Variants in HTR2C observed in about 807,000 individuals in gnomAD.
The protein encoded by HTR2C is 5-hydroxytryptamine receptor 2C, also known as 5-hydroxytryptamine (serotonin) receptor 2C, G protein-coupled.
HTR2C carries 5 observed loss-of-function variants against 21.0 expected under a neutral mutation model. The observed-to-expected ratio is 0.24, with a 90% CI of 0.12 to 0.50. HTR2C has a LOEUF of 0.50. Ranked by LOEUF, HTR2C falls within the 20% of genes least tolerant of loss-of-function variation. HTR2C has a pLI of 0.98. For missense variants in HTR2C, 271 were observed against 371.2 expected (o/e 0.73, Z 2.22); for synonymous variants, 150 against 145.3 (o/e 1.03, Z -0.23).
chrX:114,724,087 C>A (rs1453007577), intron 2 of HTR2C, among the ~76,000 whole-genome samples: 1 of 105,586 alleles, frequency 9.5e-6, no homozygotes, highest in African/African-American at 3.4e-5. Flanking sequence ...CTTTCTGTCT[C>A]GTTGATATGT....
At chrX:114,608,894 CA>C (rs1439045485) in intron 1 of HTR2C, among the ~76,000 whole-genome samples, 1 of 111,649 alleles carries the variant, frequency 9.0e-6, no homozygotes, top group Non-Finnish European at 1.9e-5. Flanking sequence ...GCATTTACCT[CA>C]AAAAAACTTT....
intron 2 of HTR2C, among the ~76,000 whole-genome samples, chrX:114,664,277 A>C (rs144737567): frequency 0.011 from 1,274 of 111,363 alleles, 16 homozygotes; most frequent in African/African-American, 0.04. Context: ...TTACATATGC[A>C]AATATGTGCT....
Position 114,621,042 on chromosome X carries a change from G to T in HTR2C, c.-80+7161G>T, listed in dbSNP as rs1310761259. ...ACTACAGGCGTGCGCCACCATGCCT[G>T]GCTAATTTTTGTATTTTTAGTAGAG... On this transcript the variant is annotated intron_variant, in intron 2 of 5. Transcript: ENST00000276198. Among the ~76,000 whole-genome samples the T allele has an allele frequency of 6.3e-5, 7 of 111,612 alleles. No individual in the cohort carries two copies. In the Admixed American group the frequency reaches 6.7e-4, roughly 11 times the overall value.
At chrX:114,702,594 C>A (rs782536442) in intron 2 of HTR2C, among the ~76,000 whole-genome samples, 1 of 111,383 alleles carries the variant, frequency 9.0e-6, no homozygotes, top group Non-Finnish European at 1.9e-5. Flanking sequence ...CGGTACCAGC[C>A]GCTGCAAAAT....
chrX:114,871,587 A>G (rs1045397310), intron 5 of HTR2C, among the ~76,000 whole-genome samples: 2 of 109,189 alleles, frequency 1.8e-5, no homozygotes, highest in African/African-American at 6.6e-5. Flanking sequence ...TGCCAGTAAC[A>G]ATAAAAGTAC....
chrX:114,718,621 G>T (rs1232871758), intron 2 of HTR2C, among the ~76,000 whole-genome samples: 2 of 111,226 alleles, frequency 1.8e-5, no homozygotes, highest in East Asian at 2.8e-4. Flanking sequence ...TGTAGTTACT[G>T]TTATTGATGT....
chrX:114,650,377 A>G (rs1556408293), intron 2 of HTR2C, among the ~76,000 whole-genome samples: 3 of 111,795 alleles, frequency 2.7e-5, no homozygotes, highest in African/African-American at 9.8e-5. Flanking sequence ...ATCATTGCAT[A>G]CAACATGTTA....
chrX:114,726,951 G>T lies in HTR2C; in HGVS notation c.15G>T (p.Arg5Ser). The T allele has an allele frequency of 1.8e-6, 2 of 1,125,714 alleles. No individual in the cohort carries two copies. The highest frequency in any genetic ancestry group is 2.4e-6 in the Non-Finnish European group (2 of 848,128). The allele number at this position is 1,125,714 out of a possible 1,213,427, so 92.8% of individuals were successfully genotyped here. Residue 5 changes from arginine to serine, a missense_variant, in exon 3 of 6, where the codon AGG becomes AGT. Coordinates refer to ENST00000276198, the MANE Select transcript of HTR2C (RefSeq NM_000868.4). ...CTGAAGCAATCATGGTGAACCTGAGGAATGCGGTGCATTCATTCCTGTAAG... is the reference window on the plus strand; with the variant it reads ...CTGAAGCAATCATGGTGAACCTGAGTAATGCGGTGCATTCATTCCTGTAAG... MVNL[R>S]NAVHSFLVHL...
intron 2 of HTR2C, among the ~76,000 whole-genome samples, chrX:114,619,022 A>G (rs1472497750): frequency 8.9e-6 from 1 of 111,778 alleles, no homozygotes; most frequent in Non-Finnish European, 1.9e-5. Context: ...TAATCTCTAT[A>G]TATTTATTTT....
intron 5 of HTR2C, among the ~76,000 whole-genome samples, chrX:114,893,735 G>A (rs1317949622): frequency 1.8e-5 from 2 of 111,455 alleles, no homozygotes; most frequent in Non-Finnish European, 3.8e-5. Context: ...TTTGAAAGAC[G>A]ACAATATTAA....
At chrX:114,612,753 A>G (rs1383259201) in intron 1 of HTR2C, among the ~76,000 whole-genome samples, 1 of 110,843 alleles carries the variant, frequency 9.0e-6, no homozygotes, top group Admixed American at 9.6e-5. Context: ...ACACTGACTT[A>G]CCTGCTATAG....
At chrX:114,701,948 G>A (rs1339497171) in intron 2 of HTR2C, among the ~76,000 whole-genome samples, 1 of 111,796 alleles carries the variant, frequency 8.9e-6, no homozygotes, top group African/African-American at 3.3e-5. Context: ...TCAACTGGAA[G>A]AAAGGGTATC....
At chrX:114,772,909 T>C (rs970329167) in intron 4 of HTR2C, among the ~76,000 whole-genome samples, 11 of 111,679 alleles carry the variant, frequency 9.8e-5, no homozygotes, top group African/African-American at 3.6e-4. Context: ...AACTACGGGA[T>C]GGTAGAGTAC....
At chrX:114,634,329 A>G (rs185268752) in intron 2 of HTR2C, among the ~76,000 whole-genome samples, 434 of 111,187 alleles carry the variant, frequency 3.9e-3, no homozygotes, top group Non-Finnish European at 6.5e-3. Flanking sequence ...AACTGGAGCA[A>G]CAAACATTTT....
intron 5 of HTR2C, among the ~76,000 whole-genome samples, chrX:114,892,276 G>A (rs1243547795): frequency 9.0e-6 from 1 of 111,534 alleles, no homozygotes; most frequent in Non-Finnish European, 1.9e-5. Context: ...ATGTTTGACC[G>A]AATTCACCAA....
At chrX:114,618,225 C>A (rs1401219665) in intron 2 of HTR2C, among the ~76,000 whole-genome samples, 1 of 112,064 alleles carries the variant, frequency 8.9e-6, no homozygotes, top group Non-Finnish European at 1.9e-5. Context: ...TTCAACAAGA[C>A]TAACAACATA....
At chrX:114,815,101 C>A (rs184844018) in intron 4 of HTR2C, among the ~76,000 whole-genome samples, 128 of 107,700 alleles carry the variant, frequency 1.2e-3, no homozygotes, top group African/African-American at 4.1e-3. Context: ...TTTACTCATC[C>A]TCAACAGGTT....
At chrX:114,806,981 A>G (rs782153741) in intron 4 of HTR2C, among the ~76,000 whole-genome samples, 29 of 101,606 alleles carry the variant, frequency 2.9e-4, no homozygotes, top group African/African-American at 9.2e-4. Context: ...TATACCATAT[A>G]TATACCACAT....
At chrX:114,697,380 A>C (rs930854384) in intron 2 of HTR2C, among the ~76,000 whole-genome samples, 2 of 112,111 alleles carry the variant, frequency 1.8e-5, no homozygotes, top group Non-Finnish European at 3.8e-5. Flanking sequence ...TTTTGGCATA[A>C]ATTTAATTCA....
Sources: allele counts gnomAD v4.1 joint callset (sites outside exome capture counted in the v4.1 genomes callset), GRCh38; gene constraint gnomAD v4.1.1; transcripts MANE v1.5; gene names NCBI Gene and HGNC (gene_info 2026-07-23, HGNC 2026-07-21).